Variants in FES observed in about 807,000 individuals in gnomAD.
The protein encoded by FES is tyrosine-protein kinase Fes/Fps.
FES carries 83 observed loss-of-function variants against 109.6 expected under a neutral mutation model. That is an observed-to-expected ratio of 0.76 (90% CI 0.63 to 0.91). The LOEUF is 0.91. Ranked by LOEUF, FES falls within the 40% of genes least tolerant of loss-of-function variation. The probability of loss-of-function intolerance (pLI) is 0.00; values close to 1 mark genes in which losing one functional copy is unlikely to be tolerated. For missense variants in FES, 943 were observed against 1,070.9 expected (o/e 0.88, Z 1.67); for synonymous variants, 458 against 442.1 (o/e 1.04, Z -0.45).
In FES at chr15:90,892,671, T is replaced by C. The variant is rs767360063; in HGVS notation, c.1708-36T>C. 8 of 1,559,080 alleles carry C rather than the reference T, an allele frequency of 5.1e-6. No individual in the cohort carries two copies. The South Asian group carries it at 9.2e-5, about 18-fold the overall frequency. The stretch of plus-strand genomic sequence containing the variant: ...GAAGCGGAGAAGAGAACTGCGGGAC[T>C]GGGAAGGCCGTGGTAGGAGCCCAAG... On this transcript the variant is annotated intron_variant, in intron 13 of 18. Coordinates refer to ENST00000328850, the MANE Select transcript of FES (RefSeq NM_002005.4).
Position 90,885,472 on chromosome 15 carries a change from G to C in FES, c.274G>C (p.Glu92Gln). The C allele has an allele frequency of 6.2e-7, 1 of 1,613,412 alleles. No individual in the cohort carries two copies. Among genetic ancestry groups the C allele is most frequent in the Non-Finnish European group, 8.5e-7 (1 of 1,180,026 alleles). Residue 92 changes from glutamate (E) to glutamine (Q), a missense_variant, in exon 3 of 19, where the codon GAG becomes CAG. By Grantham distance (29) the Glu-to-Gln change is conservative. Coordinates refer to ENST00000328850, the MANE Select transcript of FES (RefSeq NM_002005.4). ...GLSRLLRQHA[E>Q]DLNSGPLSKL... The stretch of plus-strand genomic sequence containing the variant: ...GAGCCGCTTGCTGCGGCAGCACGCA[G>C]AGGATCTGAACTCAGGGCCCCTGAG...
Position 90,889,734 on chromosome 15 carries a change from G to T in FES, c.926+98G>T. The T allele has an allele frequency of 6.2e-7, 1 of 1,602,982 alleles. No individual in the cohort carries two copies. Among genetic ancestry groups the T allele is most frequent in the Non-Finnish European group, 8.5e-7 (1 of 1,174,886 alleles). ...AGGTCGTGGAGACTGTCCACACAGAGCTGTCACCAGGTGGCCGGGCTTGCT... is the reference window on the plus strand; with the variant it reads ...AGGTCGTGGAGACTGTCCACACAGATCTGTCACCAGGTGGCCGGGCTTGCT... On this transcript the variant is annotated intron_variant, in intron 7 of 18. Coordinates refer to ENST00000328850, the MANE Select transcript of FES (RefSeq NM_002005.4). This position sits in a 1 kb window ranked among gnomAD's most constrained non-coding sequence, Gnocchi z 6.1.
At chr15:90,888,744 G>T (rs569369019) in intron 5 of FES, among the ~76,000 whole-genome samples, 1 of 139,428 alleles carries the variant, frequency 7.2e-6, no homozygotes, top group East Asian at 2.1e-4. Flanking sequence ...AAGGATAGCA[G>T]TTCATTTATT....
chr15:90,886,015 G>A (rs766447497), intron 3 of FES, among the ~76,000 whole-genome samples: 7 of 152,220 alleles, frequency 4.6e-5, no homozygotes, highest in Non-Finnish European at 5.9e-5. Flanking sequence ...GATTCGGGCC[G>A]TGAAGTCAGC....
chr15:90,891,340 C>A (rs1381500277), intron 11 of FES, 149 bp downstream of exon 11: 2 of 1,117,432 alleles, frequency 1.8e-6, no homozygotes, highest in Non-Finnish European at 1.3e-6. Flanking sequence ...ACAGAGACCA[C>A]CCTGTCCCTG....
chr15:90,890,601 G>A (rs993917568), intron 10 of FES, 117 bp downstream of exon 10: 5 of 936,896 alleles, frequency 5.3e-6, no homozygotes, highest in Non-Finnish European at 8.0e-6. Flanking sequence ...TCTCTTCCCT[G>A]GGATTCCAGG....
rs562253379 is a variant in FES, at chr15:90,888,548, G to T, written c.669-758G>T. Among the ~76,000 whole-genome samples, 4 of 148,834 alleles carry T rather than the reference G, an allele frequency of 2.7e-5. No individual in the cohort carries two copies. The East Asian group carries it at 8.3e-4, about 31-fold the overall frequency. On this transcript the variant is annotated intron_variant, in intron 5 of 18. Coordinates refer to ENST00000328850, the MANE Select transcript of FES (RefSeq NM_002005.4). Reference sequence around the variant, plus strand: ...TTTTGGCCACTAGGACGGGGAGGTAGCAATGGAGGTGAGGCGCGGTCAGGT... The same window carrying T: ...TTTTGGCCACTAGGACGGGGAGGTATCAATGGAGGTGAGGCGCGGTCAGGT...
intron 8 of FES, 40 bp downstream of exon 8, chr15:90,890,002 C>G: frequency 6.2e-7 from 1 of 1,601,266 alleles, no homozygotes; most frequent in Non-Finnish European, 8.5e-7. Flanking sequence ...CTGGGCCTCC[C>G]TCCCTCCTAC....
At chr15:90,892,456 A>G in intron 13 of FES, 1 of 580,722 alleles carries the variant, frequency 1.7e-6, no homozygotes, top group Admixed American at 3.0e-5. Flanking sequence ...TGCTTTTCAA[A>G]CCCAAGGGAG....
At chr15:90,891,412 A>G (rs971924078) in intron 11 of FES, 142 bp from the exon 12 acceptor site, 1 of 1,205,608 alleles carries the variant, frequency 8.3e-7, no homozygotes, top group Non-Finnish European at 1.2e-6. Context: ...GTCATGTGCC[A>G]TCAGATGGCA....
chr15:90,887,987 C>T (rs1352191476), intron 5 of FES, among the ~76,000 whole-genome samples: 1 of 152,172 alleles, frequency 6.6e-6, no homozygotes. Context: ...ATACACGAGG[C>T]TGGAGGAGGC....
intron 3 of FES, 114 bp downstream of exon 3, chr15:90,885,699 A>G (rs1596090067): frequency 1.4e-6 from 2 of 1,459,950 alleles, no homozygotes; most frequent in Admixed American, 2.7e-5. Flanking sequence ...CCCTGACCGC[A>G]GGCCTGGCTT....
At chr15:90,891,399 G>C in intron 11 of FES, 155 bp from the exon 12 acceptor site, 1 of 1,130,360 alleles carries the variant, frequency 8.8e-7, no homozygotes, top group Non-Finnish European at 1.3e-6. Context: ...GGGGCAGCAG[G>C]ATGTCATGTG....
Position 90,893,203 on chromosome 15 carries a change from G to GGGGCGCTGAGCTCCAGGTA in FES, c.1921+16_1921+34dup. On this transcript the variant is annotated intron_variant, in intron 15 of 18. Coordinates refer to ENST00000328850, the MANE Select transcript of FES (RefSeq NM_002005.4). ...CATGGAGCTTGTGCAGGGTGAGCGC[G>GGGGCGCTGAGCTCCAGGTA]GGGCGCTGAGCTCCAGGTAGGGCGC... is the stretch of plus-strand genomic sequence containing the variant. The GGGGCGCTGAGCTCCAGGTA allele has an allele frequency of 1.2e-6, 2 of 1,613,616 alleles. No homozygotes were observed. Among genetic ancestry groups the GGGGCGCTGAGCTCCAGGTA allele is most frequent in the South Asian group, 2.2e-5 (2 of 91,052 alleles).
intron 16 of FES, 73 bp downstream of exon 16, chr15:90,893,487 C>A (rs2033426989): frequency 1.3e-6 from 2 of 1,503,348 alleles, no homozygotes; most frequent in East Asian, 2.3e-5. Flanking sequence ...CCCCTAGGGC[C>A]CCCCGCTGGA....
In FES at chr15:90,889,081, C is replaced by T. The variant is rs2032943803; in HGVS notation, c.669-225C>T. On this transcript the variant is annotated intron_variant, in intron 5 of 18. Coordinates refer to ENST00000328850, the MANE Select transcript of FES (RefSeq NM_002005.4). The surrounding 1 kb of genome is among the most constrained non-coding windows in gnomAD (Gnocchi z 6.1). ...GTATTATAGGCGTGAGCCACTGTGC[C>T]TGGCCCACTGGATCCTTATTACAAC... is the stretch of plus-strand genomic sequence containing the variant. The T allele has an allele frequency of 3.4e-6, 2 of 584,948 alleles. No individual in the cohort carries two copies. The highest frequency in any genetic ancestry group is 2.2e-5 in the South Asian group (1 of 46,198). 36.2% of individuals were successfully genotyped at this position (584,948 alleles called of 1,614,324 possible). A position where few individuals can be genotyped will look rare whatever the true frequency, so the allele number is the denominator to read the frequency against.
intron 5 of FES, among the ~76,000 whole-genome samples, chr15:90,888,262 C>T (rs575667352): frequency 2.0e-5 from 3 of 152,146 alleles, no homozygotes; most frequent in African/African-American, 7.2e-5. Context: ...TGCGCCACCA[C>T]ACCCAGCTAA....
intron 13 of FES, 52 bp downstream of exon 13, chr15:90,892,163 C>T (rs762351208): frequency 1.7e-5 from 28 of 1,605,088 alleles, no homozygotes; most frequent in Middle Eastern, 1.6e-4. Context: ...TCCTGAGTCG[C>T]GCCTGGGCCC....
chr15:90,885,644 G>T, intron 3 of FES, 59 bp downstream of exon 3: 5 of 1,568,752 alleles, frequency 3.2e-6, no homozygotes, highest in Non-Finnish European at 4.3e-6. Flanking sequence ...CCTCGAAGGG[G>T]TTGTTTTGCA....
Sources: allele counts gnomAD v4.1 joint callset (sites outside exome capture counted in the v4.1 genomes callset), GRCh38; gene constraint gnomAD v4.1.1; non-coding constraint Gnocchi (gnomAD v3.1); transcripts MANE v1.5; gene names NCBI Gene and HGNC (gene_info 2026-07-23, HGNC 2026-07-21).